ROBO1: variants seen among roughly 807,000 people sequenced by gnomAD.
The protein encoded by ROBO1 is roundabout homolog 1.
ROBO1 carries 149 observed loss-of-function variants against 195.9 expected under a neutral mutation model. The ratio of observed to expected loss-of-function variants is 0.76; its 90% CI spans 0.67 to 0.87. The LOEUF is 0.87. Ranked by LOEUF, ROBO1 falls within the 40% of genes least tolerant of loss-of-function variation. The pLI is 0.00. For missense variants in ROBO1, 1,933 were observed against 2,068.3 expected (o/e 0.93, Z 1.27); for synonymous variants, 816 against 733.2 (o/e 1.11, Z -1.82).
chr3:79,596,749 C>A (rs781043955), intron 1 of ROBO1, among the ~76,000 whole-genome samples: 1 of 151,928 alleles, frequency 6.6e-6, no homozygotes, highest in Non-Finnish European at 1.5e-5. Flanking sequence ...ACGACAATTG[C>A]AAAATGTCAG....
rs76419448 is a variant in ROBO1 at position 78,713,890 on chromosome 3, G to A, written c.1045+507C>T. On this transcript the variant is annotated intron_variant, in intron 8 of 30. Transcript: ENST00000464233. ...TTGTTATGATGCAGGCACTCTGTGC[G>A]CACAAAACAATTGCAAAGTCCCTGC... is the stretch of plus-strand genomic sequence containing the variant. Among the ~76,000 whole-genome samples, 450 of 152,344 alleles carry A rather than the reference G, an allele frequency of 3.0e-3. 3 individuals are homozygous for A. Among genetic ancestry groups the A allele is most frequent in the African/African-American group, 9.8e-3 (406 of 41,578 alleles).
At chr3:78,726,702 G>A (rs933417285) in intron 5 of ROBO1, among the ~76,000 whole-genome samples, 5 of 152,192 alleles carry the variant, frequency 3.3e-5, no homozygotes, top group African/African-American at 7.2e-5. Context: ...TGTGCCTGGC[G>A]TGGCTTCTTA....
chr3:79,373,323 G>T (rs2036268419), intron 2 of ROBO1, among the ~76,000 whole-genome samples: 6 of 151,980 alleles, frequency 3.9e-5, no homozygotes, highest in Admixed American at 3.9e-4. Context: ...TCTTGAGGGG[G>T]TTCCTTGTCT....
At chr3:79,532,312 A>G (rs1255431934) in intron 2 of ROBO1, among the ~76,000 whole-genome samples, 1 of 152,158 alleles carries the variant, frequency 6.6e-6, no homozygotes, top group Non-Finnish European at 1.5e-5. Flanking sequence ...AAGGGAAGAG[A>G]TTAGAATCAA....
intron 1 of ROBO1, among the ~76,000 whole-genome samples, chr3:79,694,258 T>G (rs1014836796): frequency 4.0e-5 from 6 of 151,764 alleles, no homozygotes; most frequent in South Asian, 4.1e-4. Flanking sequence ...GAATGTCTAA[T>G]CAGCATTCAT....
At chr3:79,553,947 A>T (rs530140891) in intron 2 of ROBO1, among the ~76,000 whole-genome samples, 1 of 152,216 alleles carries the variant, frequency 6.6e-6, no homozygotes, top group South Asian at 2.1e-4. Flanking sequence ...CTCTCTCATT[A>T]TAAAGTTTTT....
chr3:79,343,880 C>T (rs147907192), intron 2 of ROBO1, among the ~76,000 whole-genome samples: 6 of 152,174 alleles, frequency 3.9e-5, no homozygotes, highest in African/African-American at 1.4e-4. Flanking sequence ...TCCTTGGGTT[C>T]CATGTCATAA....
rs1460448338 is a variant in ROBO1, at chr3:79,747,464, A to G, written c.-51+20288T>C. Among the ~76,000 whole-genome samples the G allele has an allele frequency of 2.0e-5, 3 of 152,092 alleles. No homozygotes were observed. The East Asian group carries it at 5.8e-4, about 29-fold the overall frequency. On this transcript the variant is annotated intron_variant, in intron 1 of 30. Transcript: ENST00000464233. ...GTGTAGGCATTATACTCCTAAGAAA[A>G]AGTAAAATTTTAATGGAAGAAGAAA...
intron 4 of ROBO1, among the ~76,000 whole-genome samples, chr3:78,893,215 T>C (rs1325886857): frequency 6.6e-6 from 1 of 152,218 alleles, no homozygotes; most frequent in South Asian, 2.1e-4. Flanking sequence ...TCCAATGTGA[T>C]AGTATTAAGA....
At chr3:79,515,289 G>A (rs1245601725) in intron 2 of ROBO1, among the ~76,000 whole-genome samples, 5 of 152,160 alleles carry the variant, frequency 3.3e-5, no homozygotes, top group Admixed American at 6.6e-5. Flanking sequence ...CTGAATGTTC[G>A]CCAATGCTCT....
At chr3:79,185,516 C>T (rs114709645) in intron 2 of ROBO1, among the ~76,000 whole-genome samples, 60 of 152,216 alleles carry the variant, frequency 3.9e-4, no homozygotes, top group African/African-American at 1.4e-3. Flanking sequence ...CTTTATTCAT[C>T]ATATTTTGAT....
intron 4 of ROBO1, among the ~76,000 whole-genome samples, chr3:78,864,449 C>T (rs1006839237): frequency 9.9e-5 from 15 of 151,758 alleles, no homozygotes; most frequent in Non-Finnish European, 1.8e-4. Context: ...AGATGGCATA[C>T]ATGCAAATAT....
At chr3:78,984,919 G>A (rs2077072419) in intron 3 of ROBO1, among the ~76,000 whole-genome samples, 2 of 152,170 alleles carry the variant, frequency 1.3e-5, no homozygotes, top group African/African-American at 2.4e-5. Flanking sequence ...GAGACAGCAA[G>A]GCCAACCCCT....
intron 2 of ROBO1, among the ~76,000 whole-genome samples, chr3:79,276,278 T>C (rs776054270): frequency 1.3e-5 from 2 of 151,820 alleles, no homozygotes; most frequent in South Asian, 2.1e-4. Context: ...AAGAGACATA[T>C]AAACCAAAGG....
chr3:79,421,042 T>TA, intron 2 of ROBO1, among the ~76,000 whole-genome samples: 1 of 152,130 alleles, frequency 6.6e-6, no homozygotes, highest in East Asian at 1.9e-4. Context: ...TATGTAGCCA[T>TA]AAAAAAGAAA....
intron 2 of ROBO1, among the ~76,000 whole-genome samples, chr3:79,585,009 G>T: frequency 6.6e-6 from 1 of 151,700 alleles, no homozygotes; most frequent in African/African-American, 2.4e-5. Flanking sequence ...TCTTCTATGA[G>T]ATTTATATAA....
intron 4 of ROBO1, among the ~76,000 whole-genome samples, chr3:78,822,539 C>T (rs2031111490): frequency 6.6e-6 from 1 of 152,138 alleles, no homozygotes; most frequent in Non-Finnish European, 1.5e-5. Context: ...TGGATGAATT[C>T]TACACACACT....
At chr3:79,321,183 C>CT (rs1015239679) in intron 2 of ROBO1, among the ~76,000 whole-genome samples, 25 of 148,506 alleles carry the variant, frequency 1.7e-4, no homozygotes, top group South Asian at 4.3e-4. Context: ...ATAAATGCAG[C>CT]TTTTTTTTTT....
chr3:78,722,015 G>A (rs2082056255), intron 5 of ROBO1, among the ~76,000 whole-genome samples: 1 of 151,930 alleles, frequency 6.6e-6, no homozygotes, highest in South Asian at 2.1e-4. Context: ...AATAGCTGAG[G>A]TAAACCAAAA....
Sources: allele counts gnomAD v4.1 joint callset (sites outside exome capture counted in the v4.1 genomes callset), GRCh38; gene constraint gnomAD v4.1.1; transcripts MANE v1.5; gene names NCBI Gene and HGNC (gene_info 2026-07-23, HGNC 2026-07-21).